The following KRT37 variants were observed in gnomAD, a reference collection of about 807,000 sequenced individuals.
KRT37 encodes keratin, type I cuticular Ha7.
In KRT37, 38 loss-of-function variants were observed where a neutral mutation model predicts 41.9. The ratio of observed to expected loss-of-function variants is 0.91; its 90% confidence interval spans 0.70 to 1.19. The LOEUF (loss-of-function observed/expected upper bound fraction) is 1.19. Among genes scored for constraint, KRT37 ranks in the 50% most tolerant of loss-of-function variants. The pLI, the probability that KRT37 is intolerant of heterozygous loss-of-function variation, is 0.00. For missense variants in KRT37, 580 were observed against 575.5 expected (o/e 1.01, Z -0.08); for synonymous variants, 252 against 243.4 (o/e 1.04, Z -0.33).
At chr17:41,423,347 A>T (rs910322314) in intron 2 of KRT37, 2 of 236,230 alleles carry the variant, frequency 8.5e-6, no homozygotes, top group African/African-American at 4.5e-5. Flanking sequence ...TTTCCCCTTC[A>T]TTCAAGCACA....
In KRT37 at chr17:41,423,829, C is replaced by T. The variant is rs570969356; in HGVS notation, c.508G>A (p.Ala170Thr). The change falls in exon 2 of 7, where the codon GCT (alanine) becomes ACT (threonine). Residue 170 changes from alanine to threonine, a missense_variant. By Grantham distance (58) the Ala-to-Thr change is moderately conservative. Transcript: ENST00000225550. ...TGTACAATCAGCCTGGCATTCTCAG[C>T]CTTGCTGCACAGGATCTGAGGAAAA... is the stretch of plus-strand genomic sequence containing the variant. ...ELQQKILCSK[A>T]ENARLIVQID... is the part of the protein sequence containing the mutation. 3 of 1,614,208 alleles carry T rather than the reference C, an allele frequency of 1.9e-6. No individual in the cohort carries two copies. The East Asian group carries it at 6.7e-5, about 36-fold the overall frequency.
chr17:41,422,844 G>A lies in KRT37; in HGVS notation c.666C>T (p.Ala222=), dbSNP rs559004919. 105 of 1,614,100 alleles carry A rather than the reference G, an allele frequency of 6.5e-5. No individual in the cohort carries two copies. Among genetic ancestry groups the A allele is most frequent in the South Asian group, 3.1e-4 (28 of 91,066 alleles). Residue 222 remains alanine, a synonymous_variant, in exon 3 of 7, where the codon GCC becomes GCT. Coordinates refer to ENST00000225550, the MANE Select transcript of KRT37 (RefSeq NM_003770.5). ...GGGACTCCTGCTGGGCCTCCAGGTCGGCCTTGGCCAGGGTCGCGTCATCCA... is the reference window on the plus strand; with the variant it reads ...GGGACTCCTGCTGGGCCTCCAGGTCAGCCTTGGCCAGGGTCGCGTCATCCA... ...KLLDDATLAK[A]DLEAQQESLK...
Position 41,422,056 on chromosome 17 carries a change from G to A in KRT37, c.1020+13C>T, listed in dbSNP as rs2018545996. On this transcript the variant is annotated intron_variant, in intron 5 of 6. Transcript: ENST00000225550. ...GGGGCATTTGCAGTGCAGTGAGGGT[G>A]AAGGACACGTACCAAGGTGTGCTGG... The A allele has an allele frequency of 6.2e-7, 1 of 1,614,194 alleles. No homozygotes were observed. Among genetic ancestry groups the A allele is most frequent in the East Asian group, 2.2e-5 (1 of 44,882 alleles).
rs140870703 is a variant in KRT37 at position 41,421,824 on chromosome 17, G to A, written c.1021-237C>T. Among the ~76,000 whole-genome samples, 41 of 152,286 alleles carry A rather than the reference G, an allele frequency of 2.7e-4. No homozygotes were observed. The East Asian group carries it at 5.2e-3, about 19-fold the overall frequency. On this transcript the variant is annotated intron_variant, in intron 5 of 6. Transcript: ENST00000225550. ...GTGCTTGACAAAAAGCAGGCACCTC[G>A]TAAAATCTTGTGGAGTGAGTGCCTG...
Position 41,421,482 on chromosome 17 carries a change from T to C in KRT37, c.1126A>G (p.Ile376Val), listed in dbSNP as rs755258640. Residue 376 changes from isoleucine (I) to valine (V), a missense_variant, in exon 6 of 7, where the codon ATC (isoleucine) becomes GTC (valine). Coordinates refer to ENST00000225550, the MANE Select transcript of KRT37 (RefSeq NM_003770.5). ...TTCTGCCGCTCCAGGTCGGCCCGGA[T>C]CTCAGACAACTGCTCTTCCAAGTTG... ...ISNLEEQLSE[I>V]RADLERQNQE... is the part of the protein sequence containing the mutation. 1 of 1,614,206 alleles carries C rather than the reference T, an allele frequency of 6.2e-7. No homozygotes were observed. Among genetic ancestry groups the C allele is most frequent in the East Asian group, 2.2e-5 (1 of 44,886 alleles).
chr17:41,421,037 T>C (rs1215109595), intron 6 of KRT37, 51 bp from the exon 7 acceptor site: 5 of 1,429,754 alleles, frequency 3.5e-6, no homozygotes, highest in Non-Finnish European at 4.9e-6. Context: ...CAGTGATTGA[T>C]GGACAAGGGT....
chr17:41,420,983 G>A lies in KRT37; in HGVS notation c.1245C>T (p.Leu415=), dbSNP rs376455626. ...CAGGCGTGGAACAGGGATTGCAGGGGAGTCTGCAGGGAGAGAAAGAAGAGT... is the reference window on the plus strand; with the variant it reads ...CAGGCGTGGAACAGGGATTGCAGGGAAGTCTGCAGGGAGAGAAAGAAGAGT... ...RNLLESEDCK[L]PCNPCSTPAS... Residue 415 remains leucine, a synonymous_variant, in exon 7 of 7, where the codon CTC becomes CTT. Coordinates refer to ENST00000225550, the MANE Select transcript of KRT37 (RefSeq NM_003770.5). 38 of 1,607,306 alleles carry A rather than the reference G, an allele frequency of 2.4e-5. No homozygotes were observed. The highest frequency in any genetic ancestry group is 3.1e-5 in the Non-Finnish European group (36 of 1,174,004).
Position 41,422,845 on chromosome 17 carries a change from G to C in KRT37, c.665C>G (p.Ala222Gly), listed in dbSNP as rs770518382. The change falls in exon 3 of 7, where the codon GCC becomes GGC. Residue 222 changes from alanine (A) to glycine (G), a missense_variant. By Grantham distance (60) the Ala-to-Gly change is moderately conservative (BLOSUM62 0). Coordinates refer to ENST00000225550, the MANE Select transcript of KRT37 (RefSeq NM_003770.5). ...GGACTCCTGCTGGGCCTCCAGGTCG[G>C]CCTTGGCCAGGGTCGCGTCATCCAG... ...KLLDDATLAK[A>G]DLEAQQESLK... 6.2e-7 allele frequency: 1 copy of C among 1,613,970 alleles called. No individual in the cohort carries two copies. Among genetic ancestry groups the C allele is most frequent in the African/African-American group, 1.3e-5 (1 of 74,946 alleles).
rs200010289 is a variant in KRT37, at chr17:41,421,432, G to C, written c.1176C>G (p.Asp392Glu). The part of the protein sequence containing the change: ...RQNQEYQVLL[D>E]VKARLENEIA... ...TCTCGTTCTCCAACCGGGCCTTCACGTCCAGCAGCACCTGGTACTCCTGGT... is the reference window on the plus strand; with the variant it reads ...TCTCGTTCTCCAACCGGGCCTTCACCTCCAGCAGCACCTGGTACTCCTGGT... The change falls in exon 6 of 7, where the codon GAC (aspartate) becomes GAG (glutamate). Residue 392 changes from aspartate (D) to glutamate (E), a missense_variant. Asp to Glu is a conservative substitution (Grantham distance 45, BLOSUM62 2). Coordinates refer to ENST00000225550, the MANE Select transcript of KRT37 (RefSeq NM_003770.5). 2.5e-6 allele frequency: 4 copies of C among 1,614,182 alleles called. No individual in the cohort carries two copies. Among genetic ancestry groups the C allele is most frequent in the African/African-American group, 1.3e-5 (1 of 75,044 alleles).
intron 2 of KRT37, 112 bp downstream of exon 2, chr17:41,423,647 ATTC>A (rs1356964569): frequency 6.0e-6 from 5 of 832,614 alleles, no homozygotes; most frequent in East Asian, 2.6e-5. Context: ...GGAGAGAAAT[ATTC>A]TTCTAGTCAA....
chr17:41,421,400 G>T lies in KRT37; in HGVS notation c.1208C>A (p.Thr403Lys). The change falls in exon 6 of 7, where the codon ACA becomes AAA. Residue 403 changes from threonine (T) to lysine (K), a missense_variant. By Grantham distance (78) the Thr-to-Lys change is moderately conservative. Transcript: ENST00000225550. Reference sequence around the variant, plus strand: ...CTCGCTCTCCAGAAGGTTCCGGTATGTGGCAATCTCGTTCTCCAACCGGGC... The same window carrying T: ...CTCGCTCTCCAGAAGGTTCCGGTATTTGGCAATCTCGTTCTCCAACCGGGC... Reference protein sequence around the residue: ...VKARLENEIATYRNLLESEDC... With the variant: ...VKARLENEIAKYRNLLESEDC... 1.2e-6 allele frequency: 2 copies of T among 1,614,242 alleles called. No individual in the cohort carries two copies. The highest frequency in any genetic ancestry group is 8.5e-7 in the Non-Finnish European group (1 of 1,180,042).
chr17:41,421,069 C>A (rs2018533042), intron 6 of KRT37, 83 bp from the exon 7 acceptor site: 1 of 1,089,138 alleles, frequency 9.2e-7, no homozygotes, highest in Admixed American at 2.0e-5. Flanking sequence ...GAAGGCTGGG[C>A]CTGCCACCAA....
rs1464640368 is a variant in KRT37 at position 41,420,561 on chromosome 17, A to C, written c.*317T>G. Reference sequence around the variant, plus strand: ...GGAGACAGCACTTGGTGCAGGAAGGAGGTTTATTGACCATTTAATGCAGGG... The same window carrying C: ...GGAGACAGCACTTGGTGCAGGAAGGCGGTTTATTGACCATTTAATGCAGGG... On this transcript the variant is annotated 3_prime_UTR_variant, in exon 7 of 7. Coordinates refer to ENST00000225550, the MANE Select transcript of KRT37 (RefSeq NM_003770.5). Among the ~76,000 whole-genome samples the C allele has an allele frequency of 6.6e-6, 1 of 152,204 alleles. No individual in the cohort carries two copies. Among genetic ancestry groups the C allele is most frequent in the African/African-American group, 2.4e-5 (1 of 41,454 alleles).
Position 41,424,107 on chromosome 17 carries a change from C to T in KRT37, c.417G>A (p.Arg139=), listed in dbSNP as rs201052437. The T allele has an allele frequency of 3.6e-5, 58 of 1,614,110 alleles. No homozygotes were observed. Among genetic ancestry groups the T allele is most frequent in the Non-Finnish European group, 4.7e-5 (55 of 1,180,050 alleles). ...NAELETTLLE[R]SKCHESTVCP... The stretch of plus-strand genomic sequence containing the variant: ...ACACGGTGGACTCGTGGCACTTGCT[C>T]CTCTCGAGGAGTGTGGTCTCCAGCT... Residue 139 remains arginine (R), a synonymous_variant, in exon 1 of 7, where the codon AGG becomes AGA. Coordinates refer to ENST00000225550, the MANE Select transcript of KRT37 (RefSeq NM_003770.5).
In KRT37 at chr17:41,423,204, C is replaced by T. The variant is rs2018569195; in HGVS notation, c.576-270G>A. 1.5e-5 allele frequency: 6 copies of T among 397,932 alleles called. No individual in the cohort carries two copies. In the East Asian group the frequency reaches 2.3e-4, roughly 15 times the overall value. 24.7% of individuals were successfully genotyped at this position (397,932 alleles called of 1,614,324 possible). A position where few individuals can be genotyped will look rare whatever the true frequency, so the allele number is the denominator to read the frequency against. ...CATGGACTCATCCTAAGTGTTCTGA[C>T]TTCAAATGCAGCATTTATTCTGCCA... On this transcript the variant is annotated intron_variant, in intron 2 of 6. Coordinates refer to ENST00000225550, the MANE Select transcript of KRT37 (RefSeq NM_003770.5).
chr17:41,421,003 AAG>A lies in KRT37; in HGVS notation c.1242-19_1242-18del. ...CAGGGGAGTCTGCAGGGAGAGAAAG[AAG>A]AGTTACATTAAAAAGATGTCTCAGT... On this transcript the variant is annotated intron_variant, in intron 6 of 6. Coordinates refer to ENST00000225550, the MANE Select transcript of KRT37 (RefSeq NM_003770.5). The A allele has an allele frequency of 6.3e-7, 1 of 1,579,602 alleles. No homozygotes were observed. The highest frequency in any genetic ancestry group is 1.3e-5 in the African/African-American group (1 of 74,240).
chr17:41,424,345 G>A lies in KRT37; in HGVS notation c.179C>T (p.Thr60Ile). 6.2e-7 allele frequency: 1 copy of A among 1,614,112 alleles called. No individual in the cohort carries two copies. The highest frequency in any genetic ancestry group is 2.2e-5 in the East Asian group (1 of 44,878). Residue 60 changes from threonine (T) to isoleucine (I), a missense_variant, in exon 1 of 7, where the codon ACT becomes ATT. Coordinates refer to ENST00000225550, the MANE Select transcript of KRT37 (RefSeq NM_003770.5). ...AHANRVRVGSTPLGRPSLCLP... is the reference protein window; with the variant it reads ...AHANRVRVGSIPLGRPSLCLP... ...ACAGAGGCTGGGGCGGCCCAGGGGA[G>A]TCGACCCCACACGGACTCTGTTGGC...
At chr17:41,423,604 G>T in intron 2 of KRT37, 158 bp downstream of exon 2, 1 of 635,158 alleles carries the variant, frequency 1.6e-6, no homozygotes, top group Non-Finnish European at 2.7e-6. Flanking sequence ...CCTATATAAT[G>T]ACCATTTCTA....
intron 6 of KRT37, 80 bp downstream of exon 6, chr17:41,421,287 T>C (rs543332028): frequency 4.2e-6 from 6 of 1,437,106 alleles, no homozygotes; most frequent in South Asian, 1.2e-5. Flanking sequence ...GATGATATCT[T>C]CTGCAAGCAC....
Sources: gnomAD v4.1 joint callset for allele counts (sites outside exome capture counted in the v4.1 genomes callset) on GRCh38, gnomAD v4.1.1 for gene constraint, MANE v1.5 for transcripts, NCBI Gene and HGNC (gene_info 2026-07-23, HGNC 2026-07-21) for gene names.